The following SETDB2 variants were observed in gnomAD, a reference collection of about 807,000 sequenced individuals.
SETDB2 encodes the protein histone-lysine N-methyltransferase SETDB2.
Under a neutral mutation model 82.5 loss-of-function variants are expected in SETDB2, and 56 were observed. That is an observed-to-expected ratio of 0.68 (90% CI 0.55 to 0.85). The LOEUF is 0.85. Among genes scored for constraint, SETDB2 ranks in the 40% least tolerant of loss-of-function variants. The pLI, the probability that SETDB2 is intolerant of heterozygous loss-of-function variation, is 0.00. For synonymous variants in SETDB2, 272 were observed against 284.9 expected, an observed-to-expected ratio of 0.95 and a Z score of 0.46; for missense variants, 677 against 816.4, an observed-to-expected ratio of 0.83 and a Z score of 2.08.
intron 2 of SETDB2, among the ~76,000 whole-genome samples, chr13:49,458,564 T>A (rs1257606640): frequency 2.6e-5 from 4 of 152,224 alleles, no homozygotes; most frequent in African/African-American, 9.6e-5. Flanking sequence ...TTTCCTTGTA[T>A]TGTTGATGTT....
intron 5 of SETDB2, among the ~76,000 whole-genome samples, chr13:49,475,831 A>T (rs1003987907): frequency 6.6e-6 from 1 of 151,534 alleles, no homozygotes; most frequent in African/African-American, 2.4e-5. Context: ...ATTTTCTCCT[A>T]TCAGTTTGCC....
At chr13:49,488,689 AC>A in intron 12 of SETDB2, 59 bp downstream of exon 12, 1 of 1,365,096 alleles carries the variant, frequency 7.3e-7, no homozygotes, top group Non-Finnish European at 1.0e-6. Flanking sequence ...ATGCTACTTA[AC>A]AAAATTATGA....
At chr13:49,485,870 C>G (rs1958587811) in intron 11 of SETDB2, 147 bp downstream of exon 11, 1 of 821,482 alleles carries the variant, frequency 1.2e-6, no homozygotes, top group Non-Finnish European at 2.2e-6. Context: ...AAGAGATCAG[C>G]AAAATATCGT....
At chr13:49,463,951 C>T in intron 4 of SETDB2, 1 of 709,384 alleles carries the variant, frequency 1.4e-6, no homozygotes, top group Non-Finnish European at 2.6e-6. Flanking sequence ...TGGGATAAGT[C>T]ATCCTAATAC....
At chr13:49,489,069 G>A (rs568083354) in intron 12 of SETDB2, 47 of 155,396 alleles carry the variant, frequency 3.0e-4, no homozygotes, top group South Asian at 9.6e-4. Context: ...GGGATTTAAT[G>A]GTGTATTAAT....
chr13:49,459,814 C>T (rs1957958227), intron 2 of SETDB2: 2 of 252,228 alleles, frequency 7.9e-6, no homozygotes, highest in Non-Finnish European at 7.5e-6. Context: ...TATACATATA[C>T]CCCACAACCA....
At chr13:49,483,010 C>T (rs1958509828) in intron 9 of SETDB2, 48 bp downstream of exon 9, 1 of 1,170,128 alleles carries the variant, frequency 8.5e-7, no homozygotes, top group Admixed American at 2.2e-5. Context: ...TATTATCAAT[C>T]AATTGGTTCT....
intron 12 of SETDB2, 92 bp from the exon 13 acceptor site, chr13:49,490,730 T>G: frequency 1.2e-6 from 1 of 817,912 alleles, no homozygotes; most frequent in East Asian, 2.8e-5. Flanking sequence ...ATCAGTGTGA[T>G]ATATTAAAAA....
intron 3 of SETDB2, among the ~76,000 whole-genome samples, 191 bp from the exon 4 acceptor site, chr13:49,460,906 T>C (rs2407689): frequency 0.74 from 111,945 of 151,586 alleles, 41,770 homozygotes; most frequent in African/African-American, 0.84. Context: ...GTACTACTTC[T>C]TAGCTGAATG....
intron 4 of SETDB2, among the ~76,000 whole-genome samples, chr13:49,461,437 C>T (rs866923885): frequency 6.6e-6 from 1 of 152,110 alleles, no homozygotes; most frequent in Non-Finnish European, 1.5e-5. Flanking sequence ...ATAAAGAGGG[C>T]AAATAGAATT....
At chr13:49,490,790 T>A in intron 12 of SETDB2, 32 bp from the exon 13 acceptor site, 1 of 1,537,248 alleles carries the variant, frequency 6.5e-7, no homozygotes, top group Non-Finnish European at 9.0e-7. Flanking sequence ...TTTATGCTAT[T>A]TCTAACCTTT....
Position 49,476,651 on chromosome 13 carries a change from T to C in SETDB2, c.481T>C (p.Phe161Leu). ...TCTGCAGCTGCCAATCAAATGTCAC[T>C]TCCAAAGACGACATGCAAAGACAAA... ...NPLQLPIKCH[F>L]QRRHAKTNSH... The change falls in exon 6 of 14, where the codon TTC (phenylalanine) becomes CTC (leucine). Residue 161 changes from phenylalanine (F) to leucine (L), a missense_variant. By Grantham distance (22) the Phe-to-Leu change is conservative. Transcript: ENST00000611815. 6.2e-7 allele frequency: 1 copy of C among 1,614,150 alleles called. No individual in the cohort carries two copies. Among genetic ancestry groups the C allele is most frequent in the South Asian group, 1.1e-5 (1 of 91,082 alleles).
At chr13:49,475,786 C>G (rs975553888) in intron 5 of SETDB2, among the ~76,000 whole-genome samples, 5 of 151,900 alleles carry the variant, frequency 3.3e-5, no homozygotes, top group Non-Finnish European at 7.4e-5. Context: ...TCACACCCTG[C>G]CGACTTTTTT....
chr13:49,480,924 T>A (rs1483239981), intron 7 of SETDB2, 23 bp from the exon 8 acceptor site: 1 of 1,612,760 alleles, frequency 6.2e-7, no homozygotes, highest in African/African-American at 1.3e-5. Context: ...TCTGATTTTC[T>A]CTTTTGCATA....
In SETDB2 at chr13:49,488,620, G is replaced by A. The variant is rs1374035268; in HGVS notation, c.1907G>A (p.Arg636His). Residue 636 changes from arginine to histidine, a missense_variant, in exon 12 of 14, where the codon CGC becomes CAC. By Grantham distance (29) the Arg-to-His change is conservative. Transcript: ENST00000611815. ...GCCACAAAAGAAGGAAATGTCGGCC[G>A]CTTCCTTAATGTGAGTATAAGGGCT... ...LDATKEGNVG[R>H]FLNHSCCPNL... 3.1e-6 allele frequency: 5 copies of A among 1,591,664 alleles called. No homozygotes were observed. The highest frequency in any genetic ancestry group is 2.2e-5 in the East Asian group (1 of 44,734).
intron 11 of SETDB2, among the ~76,000 whole-genome samples, chr13:49,486,934 T>A (rs1203298564): frequency 2.0e-5 from 3 of 152,188 alleles, no homozygotes; most frequent in African/African-American, 7.2e-5. Context: ...GGAGGAGACA[T>A]GGCAGTTCCT....
intron 4 of SETDB2, among the ~76,000 whole-genome samples, chr13:49,462,320 G>C (rs1015313189): frequency 6.6e-6 from 1 of 152,190 alleles, no homozygotes; most frequent in African/African-American, 2.4e-5. Flanking sequence ...AAGCTGTCTA[G>C]GGATAGCTCA....
chr13:49,485,858 A>G (rs373651770), intron 11 of SETDB2, 135 bp downstream of exon 11: 10 of 875,996 alleles, frequency 1.1e-5, no homozygotes, highest in African/African-American at 6.6e-5. Flanking sequence ...ACTTGTCTAC[A>G]TAAGAGATCA....
At chr13:49,460,891 C>T (rs1957979311) in intron 3 of SETDB2, among the ~76,000 whole-genome samples, 1 of 152,126 alleles carries the variant, frequency 6.6e-6, no homozygotes, top group Non-Finnish European at 1.5e-5. Context: ...GATTCTAATC[C>T]AGTTGTACTA....
Sources: gnomAD v4.1 joint callset for allele counts (sites outside exome capture counted in the v4.1 genomes callset) on GRCh38, gnomAD v4.1.1 for gene constraint, MANE v1.5 for transcripts, NCBI Gene and HGNC (gene_info 2026-07-23, HGNC 2026-07-21) for gene names.